The following ZFP82 variants were observed in gnomAD, a reference collection of about 807,000 sequenced individuals.
The protein encoded by ZFP82 is zinc finger protein 82 homolog.
Under a neutral mutation model 54.0 loss-of-function variants are expected in ZFP82, and 30 were observed. That is an observed-to-expected ratio of 0.56 (90% CI 0.42 to 0.75). ZFP82 has a LOEUF of 0.75. ZFP82 is among the 30% of genes least tolerant of loss of function. ZFP82 has a pLI of 0.00. For missense variants in ZFP82, 500 were observed against 636.8 expected (o/e 0.79, Z 2.31); for synonymous variants, 194 against 209.5 (o/e 0.93, Z 0.64).
At chr19:36,397,913 T>A (rs1335033574) in intron 4 of ZFP82, among the ~76,000 whole-genome samples, 2 of 152,216 alleles carry the variant, frequency 1.3e-5, no homozygotes, top group Non-Finnish European at 2.9e-5. Flanking sequence ...TAGAAAAATA[T>A]AATTTATCAA....
chr19:36,397,090 A>C (rs571423089), intron 4 of ZFP82, among the ~76,000 whole-genome samples: 41 of 82,078 alleles, frequency 5.0e-4, no homozygotes, highest in African/African-American at 2.0e-3. Context: ...AGCATAAACC[A>C]ATTTTTTTTT....
downstream of ZFP82, among the ~76,000 whole-genome samples, chr19:36,384,729 A>T (rs1384119109): frequency 6.6e-6 from 1 of 152,216 alleles, no homozygotes; most frequent in Non-Finnish European, 1.5e-5. Context: ...GTTACCTAAG[A>T]GGAGAAACAC....
At chr19:36,398,178 C>A (rs2032328067) in intron 4 of ZFP82, among the ~76,000 whole-genome samples, 1 of 152,046 alleles carries the variant, frequency 6.6e-6, no homozygotes, top group South Asian at 2.1e-4. Context: ...ATATTCTGAA[C>A]ACTGAGGAAA....
At chr19:36,407,566 A>C (rs1415852747) in intron 3 of ZFP82, among the ~76,000 whole-genome samples, 1 of 150,282 alleles carries the variant, frequency 6.7e-6, no homozygotes, top group Admixed American at 6.7e-5. Flanking sequence ...AAATATACCA[A>C]CAAGCAACAA....
chr19:36,393,382 A>G lies in ZFP82; in HGVS notation c.958T>C (p.Leu320=). ...TGTACTCTAAGACCAGAGCCACACA[A>G]AAAGGCCTTCCCACATTCTTTGCAT... is the stretch of plus-strand genomic sequence containing the variant. ...YECKECGKAF[L]CGSGLRVHHK... is the part of the protein sequence containing the mutation. Residue 320 remains leucine, a synonymous_variant, in exon 5 of 5, where the codon TTG becomes CTG. Coordinates refer to ENST00000392161, the MANE Select transcript of ZFP82 (RefSeq NM_133466.4). The G allele has an allele frequency of 1.2e-6, 2 of 1,613,594 alleles. No homozygotes were observed. The highest frequency in any genetic ancestry group is 1.7e-6 in the Non-Finnish European group (2 of 1,179,892).
intron 4 of ZFP82, among the ~76,000 whole-genome samples, chr19:36,401,768 C>T (rs1467194954): frequency 1.3e-5 from 2 of 152,324 alleles, no homozygotes; most frequent in Admixed American, 1.3e-4. Flanking sequence ...TTTCCCTTTC[C>T]CTGGTCTGAC....
At chr19:36,418,239 G>A (rs2032706042) in intron 1 of ZFP82, among the ~76,000 whole-genome samples, 1 of 151,956 alleles carries the variant, frequency 6.6e-6, no homozygotes, top group African/African-American at 2.4e-5. Flanking sequence ...TTTCTGCTGG[G>A]AGTCTTTGGC....
In ZFP82 at chr19:36,405,572, G is replaced by A. The variant is rs1209365232; in HGVS notation, c.229+8C>T. Reference sequence around the variant, plus strand: ...TTGATGGCTTCTTCCTGCCCAACTAGCCCTCACCTGGATATTGTCTTCTTC... The same window carrying A: ...TTGATGGCTTCTTCCTGCCCAACTAACCCTCACCTGGATATTGTCTTCTTC... On this transcript the variant is annotated splice_region_variant and intron_variant, in intron 4 of 4. Coordinates refer to ENST00000392161, the MANE Select transcript of ZFP82 (RefSeq NM_133466.4). 2 of 1,604,316 alleles carry A rather than the reference G, an allele frequency of 1.2e-6. No homozygotes were observed. The highest frequency in any genetic ancestry group is 2.2e-5 in the East Asian group (1 of 44,828).
At position 36,393,847 on chromosome 19, in the gene ZFP82, A is replaced by T; in HGVS notation, c.493T>A (p.Phe165Ile). ...TTACATTCATAGGGTTTATCAACAA[A>T]ATGAAGTCTCTGATGTGGAGTAACA... is the stretch of plus-strand genomic sequence containing the variant. ...TSVTPHQRLHFVDKPYECKEC... is the reference protein window; with the variant it reads ...TSVTPHQRLHIVDKPYECKEC... Residue 165 changes from phenylalanine to isoleucine, a missense_variant, in exon 5 of 5, where the codon TTT becomes ATT. By Grantham distance (21) the Phe-to-Ile change is conservative (BLOSUM62 0). Transcript: ENST00000392161. The T allele has an allele frequency of 6.2e-7, 1 of 1,614,196 alleles. No homozygotes were observed. Among genetic ancestry groups the T allele is most frequent in the Non-Finnish European group, 8.5e-7 (1 of 1,180,032 alleles).
At chr19:36,403,556 G>A (rs915855559) in intron 4 of ZFP82, among the ~76,000 whole-genome samples, 2 of 147,162 alleles carry the variant, frequency 1.4e-5, no homozygotes, top group African/African-American at 5.0e-5. Context: ...AGGGGCAGAG[G>A]TTGCAGTGAG....
chr19:36,417,538 C>T (rs1223816383), intron 1 of ZFP82, among the ~76,000 whole-genome samples: 1 of 152,188 alleles, frequency 6.6e-6, no homozygotes, highest in Non-Finnish European at 1.5e-5. Flanking sequence ...ATTCATTCCT[C>T]CTCCCGCTCG....
At chr19:36,413,982 G>A (rs2032623727) in intron 1 of ZFP82, among the ~76,000 whole-genome samples, 1 of 148,540 alleles carries the variant, frequency 6.7e-6, no homozygotes, top group African/African-American at 2.5e-5. Context: ...CTCACTGCAA[G>A]TTCCACCTCC....
chr19:36,397,185 C>T (rs1167063266), intron 4 of ZFP82, among the ~76,000 whole-genome samples: 1 of 150,970 alleles, frequency 6.6e-6, no homozygotes, highest in Non-Finnish European at 1.5e-5. Flanking sequence ...CTCTGCCTCC[C>T]GGGTTCAAGC....
chr19:36,399,856 C>G (rs964900364), intron 4 of ZFP82, among the ~76,000 whole-genome samples: 1 of 152,150 alleles, frequency 6.6e-6, no homozygotes, highest in Non-Finnish European at 1.5e-5. Context: ...ATTCTGCACT[C>G]ATACTGCAAG....
chr19:36,411,521 T>C lies in ZFP82; in HGVS notation c.-78-1654A>G, dbSNP rs77115704. Among the ~76,000 whole-genome samples, 1,374 of 152,288 alleles carry C rather than the reference T, an allele frequency of 9.0e-3. 32 individuals are homozygous for C. The East Asian group carries it at 0.096, about 11-fold the overall frequency. ...GTACAAGCAGCATTTAAACCACGCA[T>C]ACTCTTTGATTCAGAAATTCTACTT... On this transcript the variant is annotated intron_variant, in intron 1 of 4. Transcript: ENST00000392161.
intron 4 of ZFP82, chr19:36,394,621 CCT>C (rs2032265082): frequency 6.4e-6 from 1 of 155,866 alleles, no homozygotes; most frequent in Admixed American, 6.4e-5. Flanking sequence ...CCTGGAGAGG[CCT>C]CCTTGCAGAC....
In ZFP82 at chr19:36,392,658, A is replaced by G; in HGVS notation, c.*83T>C. ...TTAATGGTATAAAACCTCTAATGCC[A>G]ACGCAGTTGCATGTATGGAGCAAAA... is the stretch of plus-strand genomic sequence containing the variant. On this transcript the variant is annotated 3_prime_UTR_variant, in exon 5 of 5. Coordinates refer to ENST00000392161, the MANE Select transcript of ZFP82 (RefSeq NM_133466.4). The G allele has an allele frequency of 8.1e-7, 1 of 1,229,772 alleles. No homozygotes were observed. Among genetic ancestry groups the G allele is most frequent in the Non-Finnish European group, 1.1e-6 (1 of 911,554 alleles). 76.2% of individuals were successfully genotyped at this position (1,229,772 alleles called of 1,614,324 possible).
intron 1 of ZFP82, among the ~76,000 whole-genome samples, chr19:36,417,222 T>C (rs555283628): frequency 2.0e-5 from 3 of 152,258 alleles, no homozygotes; most frequent in African/African-American, 7.2e-5. Flanking sequence ...TGATGTAGAA[T>C]TGCTCCAAAT....
At chr19:36,399,176 C>CA (rs2032344209) in intron 4 of ZFP82, among the ~76,000 whole-genome samples, 1 of 152,102 alleles carries the variant, frequency 6.6e-6, no homozygotes, top group African/African-American at 2.4e-5. Context: ...ATAATACTTA[C>CA]AAAAATTTAA....
Sources: allele counts gnomAD v4.1 joint callset (sites outside exome capture counted in the v4.1 genomes callset), GRCh38; gene constraint gnomAD v4.1.1; transcripts MANE v1.5; gene names NCBI Gene and HGNC (gene_info 2026-07-23, HGNC 2026-07-21).